TMEM178B: variants seen among roughly 807,000 people sequenced by gnomAD.
TMEM178B encodes transmembrane protein 178B.
In TMEM178B, 5 loss-of-function variants were observed where a neutral mutation model predicts 31.0. The observed-to-expected ratio is 0.16, with a 90% CI of 0.08 to 0.34. TMEM178B has a LOEUF of 0.34. Among genes scored for constraint, TMEM178B ranks in the 10% least tolerant of loss-of-function variants. The pLI, the probability that TMEM178B is intolerant of heterozygous loss-of-function variation, is 1.00. For missense variants in TMEM178B, 275 were observed against 400.3 expected (o/e 0.69, Z 2.67); for synonymous variants, 164 against 164.0 (o/e 1.00, Z 0.00).
In TMEM178B at chr7:141,201,989, T is replaced by TG; in HGVS notation, c.383-10600dup. ...CAGGCGTACTTAAGAGTGTGTTAGG[T>TG]GGATTTGAATGCCACCTCTGCCACC... On this transcript the variant is annotated intron_variant, in intron 1 of 3. Coordinates refer to ENST00000565468, the MANE Select transcript of TMEM178B (RefSeq NM_001195278.2). 3.9e-5 allele frequency among the ~76,000 whole-genome samples: 6 copies of TG among 152,202 alleles called. No individual in the cohort carries two copies. In the South Asian group the frequency reaches 1.2e-3, roughly 32 times the overall value.
intron 1 of TMEM178B, among the ~76,000 whole-genome samples, chr7:141,078,851 G>A (rs2129170571): frequency 6.6e-6 from 1 of 152,300 alleles, no homozygotes; most frequent in South Asian, 2.1e-4. Context: ...GATTTCTGGG[G>A]CAAGGAGAAG....
chr7:141,468,856 C>T (rs1463946150), intron 3 of TMEM178B, among the ~76,000 whole-genome samples: 5 of 152,134 alleles, frequency 3.3e-5, no homozygotes, highest in South Asian at 2.1e-4. Context: ...TTTTATAGAC[C>T]GGCTTGAGGT....
intron 3 of TMEM178B, among the ~76,000 whole-genome samples, chr7:141,449,167 G>A (rs549432633): frequency 6.6e-6 from 1 of 152,318 alleles, no homozygotes; most frequent in South Asian, 2.1e-4. Flanking sequence ...GTAAGCCTCA[G>A]AGAAAGGGAA....
At chr7:141,331,224 C>T (rs1799293680) in intron 2 of TMEM178B, among the ~76,000 whole-genome samples, 2 of 152,226 alleles carry the variant, frequency 1.3e-5, no homozygotes, top group South Asian at 4.1e-4. Context: ...CAGATGGTCT[C>T]TAAGGCCATA....
chr7:141,102,389 C>T (rs1563088170), intron 1 of TMEM178B, among the ~76,000 whole-genome samples: 1 of 152,130 alleles, frequency 6.6e-6, no homozygotes, highest in Non-Finnish European at 1.5e-5. Context: ...TTGCATTTAT[C>T]ATGCTTGTGT....
intron 1 of TMEM178B, among the ~76,000 whole-genome samples, chr7:141,145,767 A>G (rs984124459): frequency 6.6e-6 from 1 of 152,198 alleles, no homozygotes; most frequent in Non-Finnish European, 1.5e-5. Context: ...AATTGCCTTC[A>G]GGGGCTGGGG....
At chr7:141,086,920 T>C (rs1238021065) in intron 1 of TMEM178B, among the ~76,000 whole-genome samples, 1 of 152,120 alleles carries the variant, frequency 6.6e-6, no homozygotes. Flanking sequence ...ACTCCTGACC[T>C]CAAGTGATCT....
intron 2 of TMEM178B, among the ~76,000 whole-genome samples, chr7:141,221,850 C>T (rs1304775454): frequency 2.0e-5 from 3 of 152,210 alleles, no homozygotes; most frequent in Non-Finnish European, 4.4e-5. Flanking sequence ...GGCAGTGCTT[C>T]CCAGATGGGG....
chr7:141,192,483 C>A (rs1392150117), intron 1 of TMEM178B, among the ~76,000 whole-genome samples: 2 of 124,748 alleles, frequency 1.6e-5, no homozygotes, highest in African/African-American at 6.6e-5. Context: ...ACTCTCCATG[C>A]AGCGGTCTTT....
chr7:141,288,704 C>G (rs1055520176), intron 2 of TMEM178B, among the ~76,000 whole-genome samples: 20 of 152,134 alleles, frequency 1.3e-4, no homozygotes, highest in African/African-American at 4.8e-4. Context: ...CTATGAGCTC[C>G]AGTGCGGTTG....
intron 2 of TMEM178B, among the ~76,000 whole-genome samples, chr7:141,229,903 A>G (rs776181040): frequency 2.0e-5 from 3 of 152,232 alleles, no homozygotes; most frequent in Non-Finnish European, 4.4e-5. Flanking sequence ...AAAAGAGACA[A>G]ACTACTGTTG....
intron 1 of TMEM178B, among the ~76,000 whole-genome samples, chr7:141,086,259 T>C (rs1683233203): frequency 1.3e-5 from 2 of 152,190 alleles, no homozygotes; most frequent in Non-Finnish European, 2.9e-5. Flanking sequence ...CTCGAACTCT[T>C]GACCTCAAGT....
rs869132131 is a variant in TMEM178B, at chr7:141,438,696, TAAAAAA to T, written c.634+976_634+981del. Among the ~76,000 whole-genome samples, 161 of 28,994 alleles carry T rather than the reference TAAAAAA, an allele frequency of 5.6e-3. 4 individuals carry two copies. Among genetic ancestry groups the T allele is most frequent in the Non-Finnish European group, 7.1e-3 (90 of 12,758 alleles). The allele number at this position is 28,994 out of a possible 152,430, so 19.0% of individuals were successfully genotyped here. The stretch of plus-strand genomic sequence containing the variant: ...CAGCTTGGTAAAACCCCGTCTCTAC[TAAAAAA>T]AAAAAAAAAAAAAAAAAAAAAAAAT... On this transcript the variant is annotated intron_variant, in intron 3 of 3. Transcript: ENST00000565468.
At chr7:141,421,402 A>G (rs1801207468) in intron 2 of TMEM178B, among the ~76,000 whole-genome samples, 1 of 152,220 alleles carries the variant, frequency 6.6e-6, no homozygotes, top group African/African-American at 2.4e-5. Context: ...GCCTCGTAGC[A>G]TGGCAGTGAA....
intron 2 of TMEM178B, among the ~76,000 whole-genome samples, chr7:141,400,612 CTT>C (rs1422462131): frequency 1.3e-5 from 2 of 152,306 alleles, no homozygotes; most frequent in East Asian, 3.9e-4. Flanking sequence ...AGAGTTAAGT[CTT>C]TCACGTAATT....
chr7:141,238,680 G>A (rs1451063074), intron 2 of TMEM178B, among the ~76,000 whole-genome samples: 1 of 152,174 alleles, frequency 6.6e-6, no homozygotes, highest in Non-Finnish European at 1.5e-5. Context: ...GCAGTAACGC[G>A]GCTGGGGGCA....
At chr7:141,150,284 G>A (rs1224885092) in intron 1 of TMEM178B, among the ~76,000 whole-genome samples, 1 of 152,148 alleles carries the variant, frequency 6.6e-6, no homozygotes, top group Non-Finnish European at 1.5e-5. Context: ...TTGGAAAAAA[G>A]TATTTTCCAA....
the TMEM178B span, among the ~76,000 whole-genome samples, chr7:141,486,265 G>A: frequency 2.6e-5 from 4 of 152,248 alleles, no homozygotes; most frequent in East Asian, 7.7e-4. Flanking sequence ...GGGGGTGGGA[G>A]GGGAGTGGAT....
intron 1 of TMEM178B, among the ~76,000 whole-genome samples, chr7:141,103,130 C>T (rs1406946242): frequency 6.6e-6 from 1 of 152,206 alleles, no homozygotes; most frequent in Non-Finnish European, 1.5e-5. Context: ...TTTCCAGCTA[C>T]CTAGTCTTCT....
Sources: gnomAD v4.1 joint callset for allele counts (sites outside exome capture counted in the v4.1 genomes callset) on GRCh38, gnomAD v4.1.1 for gene constraint, MANE v1.5 for transcripts, NCBI Gene and HGNC (gene_info 2026-07-23, HGNC 2026-07-21) for gene names.